Variants in SPOCK1 observed in about 807,000 individuals in gnomAD.
SPOCK1 encodes SPARC (osteonectin), cwcv and kazal like domains proteoglycan 1.
Under a neutral mutation model 55.3 loss-of-function variants are expected in SPOCK1, and 23 were observed. That is an observed-to-expected ratio of 0.42 (90% CI 0.30 to 0.59). The LOEUF is 0.59. SPOCK1 is among the 20% of genes least tolerant of loss of function. SPOCK1 has a pLI of 0.22. For missense variants in SPOCK1, 499 were observed against 552.5 expected, an observed-to-expected ratio of 0.90 and a Z score of 0.97; for synonymous variants, 226 against 221.0, an observed-to-expected ratio of 1.02 and a Z score of -0.20.
intron 5 of SPOCK1, among the ~76,000 whole-genome samples, chr5:137,103,280 C>T (rs74390914): frequency 0.088 from 13,451 of 152,240 alleles, 780 homozygotes; most frequent in East Asian, 0.24. Context: ...GCCACCACGC[C>T]GGCTTTGTTC....
chr5:137,188,493 T>C lies in SPOCK1; in HGVS notation c.233-47799A>G, dbSNP rs558974030. Among the ~76,000 whole-genome samples the C allele has an allele frequency of 2.6e-5, 4 of 152,350 alleles. No individual in the cohort carries two copies. In the East Asian group the frequency reaches 7.7e-4, roughly 29 times the overall value. The stretch of plus-strand genomic sequence containing the variant: ...CTCTGTGATCAGTGATCTTTGATGT[T>C]ACTATTGTATTTGTCTTGGGGCACT... On this transcript the variant is annotated intron_variant, in intron 3 of 10. Coordinates refer to ENST00000394945, the MANE Select transcript of SPOCK1 (RefSeq NM_004598.4).
chr5:137,239,433 T>A (rs145596023), intron 3 of SPOCK1, among the ~76,000 whole-genome samples: 1 of 152,320 alleles, frequency 6.6e-6, no homozygotes, highest in Non-Finnish European at 1.5e-5. Context: ...CCTGGCACCG[T>A]GACCCATTAT....
intron 2 of SPOCK1, among the ~76,000 whole-genome samples, chr5:137,325,174 TG>T (rs548353358): frequency 0.011 from 1,622 of 152,354 alleles, 9 homozygotes; most frequent in Non-Finnish European, 0.017. Flanking sequence ...GGCTTAATTA[TG>T]TAATTCAAAA....
At chr5:136,980,187 A>G (rs1750702614) in intron 9 of SPOCK1, among the ~76,000 whole-genome samples, 1 of 151,966 alleles carries the variant, frequency 6.6e-6, no homozygotes, top group Non-Finnish European at 1.5e-5. Context: ...CAGGCAAAAA[A>G]AAAAAAAAAA....
At chr5:137,100,302 C>A (rs1753237985) in intron 5 of SPOCK1, among the ~76,000 whole-genome samples, 1 of 152,164 alleles carries the variant, frequency 6.6e-6, no homozygotes, top group East Asian at 1.9e-4. Context: ...TTGCCAAAAA[C>A]AATTGATGCA....
At chr5:137,332,680 C>G (rs781500585) in intron 2 of SPOCK1, among the ~76,000 whole-genome samples, 6 of 152,188 alleles carry the variant, frequency 3.9e-5, no homozygotes, top group Non-Finnish European at 8.8e-5. Context: ...TCAGATGATA[C>G]AGTGTCATGC....
intron 3 of SPOCK1, among the ~76,000 whole-genome samples, chr5:137,239,962 CA>C (rs1305203684): frequency 2.6e-5 from 4 of 152,154 alleles, no homozygotes; most frequent in African/African-American, 4.8e-5. Flanking sequence ...AGAAAGCTAG[CA>C]AAATACAAAA....
chr5:137,126,667 C>G (rs535517197), intron 4 of SPOCK1, among the ~76,000 whole-genome samples: 1 of 152,278 alleles, frequency 6.6e-6, no homozygotes, highest in Admixed American at 6.5e-5. Flanking sequence ...GAGGCTGAGG[C>G]AGGGGAATCA....
intron 2 of SPOCK1, among the ~76,000 whole-genome samples, chr5:137,410,709 A>G (rs1332562525): frequency 1.3e-5 from 2 of 152,244 alleles, no homozygotes. Flanking sequence ...CACACCTGTG[A>G]GCATGAGCTC....
intron 5 of SPOCK1, among the ~76,000 whole-genome samples, chr5:137,080,892 G>A (rs891984217): frequency 4.6e-5 from 7 of 152,342 alleles, no homozygotes; most frequent in African/African-American, 1.7e-4. Flanking sequence ...AGAGCGAACA[G>A]AGGTCTACAT....
intron 3 of SPOCK1, among the ~76,000 whole-genome samples, chr5:137,197,154 A>T (rs1434627): frequency 1.6e-4 from 24 of 152,176 alleles, no homozygotes; most frequent in African/African-American, 5.8e-4. Context: ...TCATTTAGAC[A>T]TGAATCTCTG....
At chr5:136,980,237 A>G (rs1750703568) in intron 9 of SPOCK1, among the ~76,000 whole-genome samples, 1 of 151,450 alleles carries the variant, frequency 6.6e-6, no homozygotes, top group Admixed American at 6.6e-5. Context: ...GTTAAGCAAA[A>G]TTCCTTCTTT....
intron 3 of SPOCK1, among the ~76,000 whole-genome samples, chr5:137,147,179 AT>A (rs1754212198): frequency 6.6e-6 from 1 of 152,118 alleles, no homozygotes; most frequent in African/African-American, 2.4e-5. Flanking sequence ...AATGATAACA[AT>A]TGTTAAATGT....
intron 3 of SPOCK1, among the ~76,000 whole-genome samples, chr5:137,192,064 G>A (rs912036529): frequency 4.6e-5 from 7 of 151,546 alleles, no homozygotes; most frequent in African/African-American, 9.7e-5. Flanking sequence ...GTGAAACCTC[G>A]TATCTACTAA....
At chr5:137,283,186 G>C (rs551395856) in intron 2 of SPOCK1, among the ~76,000 whole-genome samples, 47 of 152,180 alleles carry the variant, frequency 3.1e-4, no homozygotes, top group Non-Finnish European at 6.3e-4. Context: ...TATCCTTGGA[G>C]ACTCTACCCC....
intron 2 of SPOCK1, among the ~76,000 whole-genome samples, chr5:137,430,992 T>C (rs1160740991): frequency 6.6e-6 from 1 of 152,182 alleles, no homozygotes; most frequent in South Asian, 2.1e-4. Flanking sequence ...ATAAAGACAG[T>C]CCAAGCTAGT....
At chr5:137,276,518 A>C (rs1346123974) in intron 2 of SPOCK1, among the ~76,000 whole-genome samples, 2 of 152,222 alleles carry the variant, frequency 1.3e-5, no homozygotes, top group Non-Finnish European at 2.9e-5. Context: ...GGGTGGCCTC[A>C]CTGCCGAACC....
intron 6 of SPOCK1, among the ~76,000 whole-genome samples, chr5:136,994,343 G>A (rs948557403): frequency 1.3e-5 from 2 of 152,118 alleles, no homozygotes; most frequent in South Asian, 2.1e-4. Flanking sequence ...CAGGAGTCGC[G>A]CTGGCTGGAA....
In SPOCK1 at chr5:137,266,923, G is replaced by A. The variant is rs148546466; in HGVS notation, c.232+87C>T. On this transcript the variant is annotated intron_variant, in intron 3 of 10. Coordinates refer to ENST00000394945, the MANE Select transcript of SPOCK1 (RefSeq NM_004598.4). ...AAAATAACACCGCTAGCTGGCCCTTGTGGGAACATTAACTCAGCATGCAAG... is the reference window on the plus strand; with the variant it reads ...AAAATAACACCGCTAGCTGGCCCTTATGGGAACATTAACTCAGCATGCAAG... The A allele has an allele frequency of 3.9e-5, 47 of 1,191,390 alleles. No homozygotes were observed. The East Asian group carries it at 8.9e-4, about 23-fold the overall frequency. The allele number at this position is 1,191,390 out of a possible 1,614,324, so 73.8% of individuals were successfully genotyped here.
Sources: allele counts gnomAD v4.1 joint callset (sites outside exome capture counted in the v4.1 genomes callset), GRCh38; gene constraint gnomAD v4.1.1; transcripts MANE v1.5; gene names NCBI Gene and HGNC (gene_info 2026-07-23, HGNC 2026-07-21).